SLC12A7: variants seen among roughly 807,000 people sequenced by gnomAD.
SLC12A7 encodes K-Cl cotransporter 4.
A neutral mutation model predicts 120.6 loss-of-function variants in SLC12A7; 100 were observed. The observed-to-expected ratio is 0.83, with a 90% CI of 0.71 to 0.98. SLC12A7 has a LOEUF of 0.98. Among genes scored for constraint, SLC12A7 ranks in the 50% least tolerant of loss-of-function variants. The pLI is 0.00. For synonymous variants in SLC12A7, 760 were observed against 678.0 expected (o/e 1.12, Z -1.88); for missense variants, 1,373 against 1,548.1 (o/e 0.89, Z 1.90).
intron 9 of SLC12A7, among the ~76,000 whole-genome samples, chr5:1,080,968 C>T (rs955431408): frequency 1.3e-5 from 2 of 149,516 alleles, no homozygotes; most frequent in Non-Finnish European, 3.0e-5. Context: ...TAAGCAGGGG[C>T]AGGAAGGAAC....
In SLC12A7 at chr5:1,089,038, C is replaced by T. The variant is rs1257475189; in HGVS notation, c.433G>A (p.Val145Met). The T allele has an allele frequency of 1.3e-5, 21 of 1,612,968 alleles. No individual in the cohort carries two copies. Among genetic ancestry groups the T allele is most frequent in the Non-Finnish European group, 1.8e-5 (21 of 1,179,994 alleles). ...GACTCCAGGACACCAGCCACCCCCA[C>T]GATCCACGTCAGGCGCAGGAAGAGG... Reference protein sequence around the residue: ...VILFLRLTWIVGVAGVLESFL... With the variant: ...VILFLRLTWIMGVAGVLESFL... The change falls in exon 4 of 24, where the codon GTG becomes ATG. Residue 145 changes from valine (V) to methionine (M), a missense_variant. Val to Met is a conservative substitution (Grantham distance 21). Transcript: ENST00000264930.
the SLC12A7 span, among the ~76,000 whole-genome samples, chr5:1,155,328 T>C: frequency 1.3e-4 from 19 of 151,890 alleles, no homozygotes; most frequent in Non-Finnish European, 2.4e-4. Context: ...ACAGGGCCCC[T>C]TTTCTGCCTG....
In SLC12A7 at chr5:1,073,714, G is replaced by T. The variant is rs146800575; in HGVS notation, c.2160C>A (p.Ala720=). 9.5e-6 allele frequency: 15 copies of T among 1,580,182 alleles called. No individual in the cohort carries two copies. The highest frequency in any genetic ancestry group is 1.4e-5 in the African/African-American group (1 of 73,186). Residue 720 remains alanine, a synonymous_variant, in exon 17 of 24, where the codon GCC becomes GCA. Transcript: ENST00000264930. The part of the protein sequence containing the change: ...RLLSFTSQLK[A]GKGLTIVGSV... ...AGCCCACGATGGTCAGGCCCTTGCCGGCCTTCAGCTGCGACGTGAAGGACA... is the reference window on the plus strand; with the variant it reads ...AGCCCACGATGGTCAGGCCCTTGCCTGCCTTCAGCTGCGACGTGAAGGACA...
At chr5:1,079,697 C>A (rs919718161) in intron 9 of SLC12A7, among the ~76,000 whole-genome samples, 10 of 152,154 alleles carry the variant, frequency 6.6e-5, no homozygotes, top group Admixed American at 3.3e-4. Flanking sequence ...CGGATGAGCA[C>A]CCACGTCTAC....
At chr5:1,073,401 G>A (rs974166005) in intron 17 of SLC12A7, among the ~76,000 whole-genome samples, 7 of 152,322 alleles carry the variant, frequency 4.6e-5, no homozygotes, top group Admixed American at 1.3e-4. Context: ...CGGTCCCAGG[G>A]TTCGCCCTTG....
chr5:1,112,443 C>G (rs1476962635), upstream of SLC12A7, among the ~76,000 whole-genome samples: 1 of 83,760 alleles, frequency 1.2e-5, no homozygotes, highest in South Asian at 5.5e-4. Context: ...TGCTGGAACC[C>G]CTCACCCCTC....
the SLC12A7 span, among the ~76,000 whole-genome samples, chr5:1,136,219 G>C: frequency 6.6e-6 from 1 of 152,116 alleles, no homozygotes; most frequent in East Asian, 1.9e-4. Flanking sequence ...GTGCAATAGA[G>C]GGAAACACTC....
At chr5:1,096,786 AG>A (rs1304918903) in intron 1 of SLC12A7, among the ~76,000 whole-genome samples, 1 of 29,536 alleles carries the variant, frequency 3.4e-5, no homozygotes, top group Non-Finnish European at 6.2e-5. Flanking sequence ...GGGGGGAGGG[AG>A]GGAAGGAAGG....
chr5:1,152,751 C>G, the SLC12A7 span, among the ~76,000 whole-genome samples: 1 of 152,148 alleles, frequency 6.6e-6, no homozygotes, highest in Non-Finnish European at 1.5e-5. Context: ...AGTACAAAGT[C>G]GGTGTGGATT....
At chr5:1,128,948 T>C in the SLC12A7 span, among the ~76,000 whole-genome samples, 3 of 152,196 alleles carry the variant, frequency 2.0e-5, no homozygotes, top group Admixed American at 1.3e-4. Flanking sequence ...TCCATCCCCA[T>C]GTGCGTCCAA....
chr5:1,061,146 CCGCCG>C (rs1736191611), intron 20 of SLC12A7, among the ~76,000 whole-genome samples: 2 of 39,240 alleles, frequency 5.1e-5, no homozygotes, highest in Non-Finnish European at 2.5e-4. Context: ...TGCGTCTCAC[CCGCCG>C]CACCCGCCGT....
intron 17 of SLC12A7, among the ~76,000 whole-genome samples, chr5:1,067,582 G>A (rs917947834): frequency 4.6e-5 from 7 of 152,252 alleles, no homozygotes; most frequent in African/African-American, 7.2e-5. Context: ...AGCCACTGGA[G>A]GGGCCCTGAG....
the SLC12A7 span, among the ~76,000 whole-genome samples, chr5:1,133,294 G>C: frequency 5.9e-5 from 9 of 152,166 alleles, no homozygotes; most frequent in Admixed American, 5.2e-4. Context: ...GCTGGGAGTC[G>C]CACATGTGGG....
At chr5:1,097,449 C>T (rs1741382816) in intron 1 of SLC12A7, among the ~76,000 whole-genome samples, 1 of 152,152 alleles carries the variant, frequency 6.6e-6, no homozygotes, top group African/African-American at 2.4e-5. Flanking sequence ...TGGAAAAAAG[C>T]ACTAGAAACA....
intron 10 of SLC12A7, 23 bp downstream of exon 10, chr5:1,079,375 C>T (rs374556206): frequency 5.7e-5 from 91 of 1,589,736 alleles, no homozygotes; most frequent in East Asian, 8.9e-5. Context: ...CTGGAACCCT[C>T]GCCTGCACCC....
rs1296919696 is a variant in SLC12A7, at chr5:1,052,445, T to C, written c.3167A>G (p.Glu1056Gly). The C allele has an allele frequency of 6.2e-7, 1 of 1,612,594 alleles. No individual in the cohort carries two copies. Among genetic ancestry groups the C allele is most frequent in the East Asian group, 2.2e-5 (1 of 44,878 alleles). The change falls in exon 24 of 24, where the codon GAG becomes GGG. Residue 1056 changes from glutamate to glycine, a missense_variant. By Grantham distance (98) the Glu-to-Gly change is moderately conservative (BLOSUM62 -2). Transcript: ENST00000264930. ...CCCCTCGGTCAGGACTTCAAGAAAC[T>C]CCATGTCTGTGGTCAACAGAGTTAA... ...KNRQGDENYM[E>G]FLEVLTEGLN...
At chr5:1,083,706 G>A (rs761565577) in intron 8 of SLC12A7, 39 bp downstream of exon 8, 13 of 1,596,540 alleles carry the variant, frequency 8.1e-6, no homozygotes, top group South Asian at 2.2e-5. Flanking sequence ...TGCTGCCCCC[G>A]CCACCCCCCA....
chr5:1,130,924 G>T, the SLC12A7 span, among the ~76,000 whole-genome samples: 1 of 152,300 alleles, frequency 6.6e-6, no homozygotes, highest in African/African-American at 2.4e-5. Flanking sequence ...CATTGGAGTA[G>T]CACAGGGTTC....
the SLC12A7 span, among the ~76,000 whole-genome samples, chr5:1,149,329 C>A: frequency 1.3e-5 from 2 of 152,214 alleles, no homozygotes; most frequent in African/African-American, 2.4e-5. Context: ...GTAATCCCAG[C>A]ACTTTGGGAG....
Sources: gnomAD v4.1 joint callset for allele counts (sites outside exome capture counted in the v4.1 genomes callset) on GRCh38, gnomAD v4.1.1 for gene constraint, MANE v1.5 for transcripts, NCBI Gene and HGNC (gene_info 2026-07-23, HGNC 2026-07-21) for gene names.